Variants in THRB observed in about 807,000 individuals in gnomAD.
The protein encoded by THRB is thyroid hormone receptor beta.
In THRB, 12 loss-of-function variants were observed where a neutral mutation model predicts 47.8. The ratio of observed to expected loss-of-function variants is 0.25; its 90% CI spans 0.16 to 0.41. The LOEUF (loss-of-function observed/expected upper bound fraction) is 0.41. Ranked by LOEUF, THRB falls within the 10% of genes least tolerant of loss-of-function variation. The pLI, the probability that THRB is intolerant of heterozygous loss-of-function variation, is 1.00. For missense variants in THRB, 348 were observed against 589.2 expected (o/e 0.59, Z 4.24); for synonymous variants, 218 against 212.2 (o/e 1.03, Z -0.24).
chr3:24,179,768 G>A (rs569842125), intron 5 of THRB, among the ~76,000 whole-genome samples: 1 of 152,268 alleles, frequency 6.6e-6, no homozygotes, highest in Admixed American at 6.5e-5. Context: ...GGGTCAGATT[G>A]ATTTGCATAA....
intron 1 of THRB, among the ~76,000 whole-genome samples, chr3:24,361,856 C>A (rs187250355): frequency 6.6e-6 from 1 of 152,090 alleles, no homozygotes; most frequent in Non-Finnish European, 1.5e-5. Flanking sequence ...GGCATCAGCA[C>A]CTTCTGCCGA....
intron 1 of THRB, among the ~76,000 whole-genome samples, chr3:24,423,530 A>G (rs1208270044): frequency 1.3e-5 from 2 of 151,832 alleles, no homozygotes; most frequent in Non-Finnish European, 2.9e-5. Context: ...CTTGTTCAGA[A>G]GGTGGCAACT....
At chr3:24,442,773 G>A (rs2071660520) in intron 1 of THRB, among the ~76,000 whole-genome samples, 1 of 150,964 alleles carries the variant, frequency 6.6e-6, no homozygotes, top group Non-Finnish European at 1.5e-5. Flanking sequence ...GCGGTGAGCC[G>A]AGATCGTGCC....
chr3:24,339,582 C>T (rs1164281728), intron 1 of THRB, among the ~76,000 whole-genome samples: 5 of 151,898 alleles, frequency 3.3e-5, no homozygotes, highest in African/African-American at 9.7e-5. Flanking sequence ...AGGTGGTTTC[C>T]AACTTTTGCT....
At chr3:24,356,156 A>G (rs767611138) in intron 1 of THRB, among the ~76,000 whole-genome samples, 52 of 152,144 alleles carry the variant, frequency 3.4e-4, no homozygotes, top group Non-Finnish European at 6.6e-4. Flanking sequence ...ATCTTGAGCA[A>G]GTCCAAATCT....
intron 3 of THRB, among the ~76,000 whole-genome samples, chr3:24,233,730 G>C (rs1176318768): frequency 6.6e-6 from 1 of 152,154 alleles, no homozygotes; most frequent in Non-Finnish European, 1.5e-5. Context: ...AAACATTGAA[G>C]GAAACCTAGA....
rs1296282514 is a variant in THRB at position 24,119,913 on chromosome 3, C to T, written c.*2971G>A. 6.6e-6 allele frequency: 1 copy of T among 152,310 alleles called. No homozygotes were observed. Among genetic ancestry groups the T allele is most frequent in the Admixed American group, 6.5e-5 (1 of 15,280 alleles). 9.4% of individuals were successfully genotyped at this position (152,310 alleles called of 1,614,324 possible). A position where few individuals can be genotyped will look rare whatever the true frequency, so the allele number is the denominator to read the frequency against. On this transcript the variant is annotated 3_prime_UTR_variant, in exon 11 of 11. Transcript: ENST00000646209. ...CACACACGCCCCACACCGCTCATCC[C>T]TAAAAGGGAAGTGATTTATAAATAC...
intron 1 of THRB, among the ~76,000 whole-genome samples, chr3:24,378,617 G>A (rs1410222750): frequency 6.6e-6 from 1 of 152,100 alleles, no homozygotes; most frequent in Non-Finnish European, 1.5e-5. Context: ...ATAGGCCATT[G>A]AGCCTTTCCT....
chr3:24,495,122 C>A (rs1465060569), upstream of THRB: 1 of 152,306 alleles, frequency 6.6e-6, no homozygotes, highest in Non-Finnish European at 1.5e-5. Context: ...GCTTCCCGGG[C>A]GCTGTCTTAC....
chr3:24,129,664 T>G (rs1195498089), intron 9 of THRB, among the ~76,000 whole-genome samples: 1 of 152,240 alleles, frequency 6.6e-6, no homozygotes, highest in Admixed American at 6.5e-5. Context: ...AAATAATCTC[T>G]TAGACACCTG....
At chr3:24,322,141 T>G (rs1214393984) in intron 2 of THRB, among the ~76,000 whole-genome samples, 1 of 152,130 alleles carries the variant, frequency 6.6e-6, no homozygotes, top group African/African-American at 2.4e-5. Context: ...ATATTTATAA[T>G]GTAAGAAACA....
chr3:24,494,032 G>C (rs552381378), intron 1 of THRB: 10 of 152,592 alleles, frequency 6.6e-5, no homozygotes, highest in Non-Finnish European at 1.3e-4. Flanking sequence ...GAAGGAGCGC[G>C]ACCCAGGAGG....
intron 1 of THRB, among the ~76,000 whole-genome samples, chr3:24,396,400 A>G (rs1220868028): frequency 6.6e-6 from 1 of 152,044 alleles, no homozygotes; most frequent in East Asian, 1.9e-4. Context: ...GTTCCTTTCA[A>G]GGGGTAAAAT....
At chr3:24,278,098 C>A (rs2054127326) in intron 3 of THRB, among the ~76,000 whole-genome samples, 1 of 152,096 alleles carries the variant, frequency 6.6e-6, no homozygotes, top group Admixed American at 6.5e-5. Context: ...TGTTAGAGAA[C>A]AGAAGATATG....
intron 1 of THRB, among the ~76,000 whole-genome samples, chr3:24,374,933 G>T (rs546640387): frequency 2.4e-4 from 37 of 152,092 alleles, no homozygotes; most frequent in Admixed American, 6.6e-4. Flanking sequence ...ATACTTACCA[G>T]GCATGTAAAA....
chr3:24,369,055 T>C (rs1221634322), intron 1 of THRB, among the ~76,000 whole-genome samples: 1 of 152,150 alleles, frequency 6.6e-6, no homozygotes, highest in Non-Finnish European at 1.5e-5. Flanking sequence ...TTTTTTGAGA[T>C]GAGGTCTCAC....
intron 1 of THRB, among the ~76,000 whole-genome samples, chr3:24,470,430 G>A (rs2074475839): frequency 6.6e-6 from 1 of 152,198 alleles, no homozygotes; most frequent in Non-Finnish European, 1.5e-5. Context: ...TACTAGCTAT[G>A]TGACCTTAGG....
chr3:24,305,932 C>T (rs1416804553), intron 2 of THRB, among the ~76,000 whole-genome samples: 1 of 152,118 alleles, frequency 6.6e-6, no homozygotes, highest in Non-Finnish European at 1.5e-5. Flanking sequence ...GGGCTGACTC[C>T]CAAGAAATCT....
intron 1 of THRB, among the ~76,000 whole-genome samples, chr3:24,385,072 T>G (rs998872963): frequency 1.3e-5 from 2 of 152,122 alleles, no homozygotes; most frequent in African/African-American, 4.8e-5. Context: ...GAAGAAAGTA[T>G]TTTTAATAAG....
Sources: gnomAD v4.1 joint callset for allele counts (sites outside exome capture counted in the v4.1 genomes callset) on GRCh38, gnomAD v4.1.1 for gene constraint, MANE v1.5 for transcripts, NCBI Gene and HGNC (gene_info 2026-07-23, HGNC 2026-07-21) for gene names.